Variants in MYO3A observed in about 807,000 individuals in gnomAD.
The protein encoded by MYO3A is myosin-IIIa.
A neutral mutation model predicts 192.7 loss-of-function variants in MYO3A; 180 were observed. The ratio of observed to expected loss-of-function variants is 0.93; its 90% CI spans 0.83 to 1.06. The LOEUF (loss-of-function observed/expected upper bound fraction) is 1.06. MYO3A is among the 50% of genes least tolerant of loss of function. MYO3A has a pLI of 0.00. For synonymous variants in MYO3A, 628 were observed against 645.3 expected (o/e 0.97, Z 0.41); for missense variants, 1,896 against 1,905.0 (o/e 1.00, Z 0.09).
chr10:25,981,622 A>T (rs534310091), intron 4 of MYO3A, among the ~76,000 whole-genome samples: 25 of 152,226 alleles, frequency 1.6e-4, no homozygotes, highest in Non-Finnish European at 3.5e-4. Flanking sequence ...AATGAACAAA[A>T]AATTGGATGT....
chr10:26,128,275 G>A, intron 19 of MYO3A, 116 bp from the exon 20 acceptor site: 1 of 1,049,428 alleles, frequency 9.5e-7, no homozygotes, highest in Admixed American at 1.8e-5. Flanking sequence ...TTCACTCTAA[G>A]TGTATGTTCT....
chr10:26,077,541 C>T (rs925470989), intron 14 of MYO3A, among the ~76,000 whole-genome samples: 3 of 151,638 alleles, frequency 2.0e-5, no homozygotes, highest in Admixed American at 1.3e-4. Context: ...ATGTTGAAGA[C>T]GAGTGGTAAG....
chr10:25,973,296 G>A (rs775074826), intron 4 of MYO3A, among the ~76,000 whole-genome samples: 3 of 152,022 alleles, frequency 2.0e-5, no homozygotes, highest in South Asian at 2.1e-4. Flanking sequence ...TATTGTTGGC[G>A]TATAGGAATG....
intron 17 of MYO3A, among the ~76,000 whole-genome samples, chr10:26,097,450 A>C (rs972596025): frequency 1.3e-5 from 2 of 151,816 alleles, no homozygotes; most frequent in African/African-American, 4.8e-5. Context: ...GGTTTGTTAC[A>C]TATGTATACA....
intron 17 of MYO3A, among the ~76,000 whole-genome samples, chr10:26,112,366 G>C (rs1838242009): frequency 6.6e-6 from 1 of 152,098 alleles, no homozygotes; most frequent in Admixed American, 6.5e-5. Context: ...GTTTGGATTT[G>C]GTAGAAATAA....
At chr10:25,976,971 C>T (rs995186065) in intron 4 of MYO3A, among the ~76,000 whole-genome samples, 1 of 152,036 alleles carries the variant, frequency 6.6e-6, no homozygotes, top group African/African-American at 2.4e-5. Context: ...TTTAATTCTT[C>T]ATATTTATTT....
intron 20 of MYO3A, among the ~76,000 whole-genome samples, chr10:26,131,676 A>T (rs1248971199): frequency 1.3e-5 from 2 of 152,212 alleles, no homozygotes; most frequent in Non-Finnish European, 2.9e-5. Flanking sequence ...TGTGTAAAAT[A>T]TGTAGCTCCT....
intron 4 of MYO3A, among the ~76,000 whole-genome samples, chr10:25,988,003 A>G (rs1839759161): frequency 6.6e-6 from 1 of 151,920 alleles, no homozygotes; most frequent in Non-Finnish European, 1.5e-5. Flanking sequence ...TATATATATG[A>G]TCGAATACTA....
intron 17 of MYO3A, among the ~76,000 whole-genome samples, chr10:26,117,546 C>A (rs899393390): frequency 2.6e-5 from 4 of 152,060 alleles, no homozygotes; most frequent in African/African-American, 7.2e-5. Context: ...CTATGTGTCC[C>A]TGTGTTCTCA....
intron 17 of MYO3A, among the ~76,000 whole-genome samples, chr10:26,114,886 C>T (rs1239439560): frequency 6.6e-6 from 1 of 152,038 alleles, no homozygotes; most frequent in East Asian, 1.9e-4. Context: ...CAGAGAATTT[C>T]ACGGAAACAC....
chr10:26,101,365 G>A (rs1373485774), intron 17 of MYO3A, among the ~76,000 whole-genome samples: 2 of 152,182 alleles, frequency 1.3e-5, no homozygotes, highest in Non-Finnish European at 2.9e-5. Flanking sequence ...GCCAGTCTGT[G>A]TCTTTTAATT....
At chr10:25,972,095 CTT>C (rs1338178510) in intron 4 of MYO3A, among the ~76,000 whole-genome samples, 1 of 152,192 alleles carries the variant, frequency 6.6e-6, no homozygotes, top group African/African-American at 2.4e-5. Flanking sequence ...TGTTCTCTCT[CTT>C]GTTTTCTCAT....
chr10:26,050,076 C>CT (rs1251241970), intron 10 of MYO3A, among the ~76,000 whole-genome samples: 1 of 151,608 alleles, frequency 6.6e-6, no homozygotes, highest in Admixed American at 6.6e-5. Context: ...TCTTTTTAGT[C>CT]TTTTTTTTCT....
At chr10:26,034,975 G>A (rs1842962162) in intron 10 of MYO3A, among the ~76,000 whole-genome samples, 1 of 151,336 alleles carries the variant, frequency 6.6e-6, no homozygotes, top group Admixed American at 6.6e-5. Flanking sequence ...TATATTCTAA[G>A]TAAGATTTTA....
chr10:25,940,332 A>G (rs1836403072), intron 2 of MYO3A, among the ~76,000 whole-genome samples: 1 of 151,956 alleles, frequency 6.6e-6, no homozygotes, highest in Non-Finnish European at 1.5e-5. Flanking sequence ...TGGAGACTAT[A>G]CATGGTAATC....
chr10:26,126,103 A>G (rs1839201215), intron 19 of MYO3A, among the ~76,000 whole-genome samples: 2 of 152,188 alleles, frequency 1.3e-5, no homozygotes, highest in Admixed American at 1.3e-4. Context: ...AATGCACTAG[A>G]TAAATGTAGG....
chr10:26,194,029 CCT>C (rs1390856279), intron 32 of MYO3A, among the ~76,000 whole-genome samples: 2 of 152,026 alleles, frequency 1.3e-5, no homozygotes, highest in Non-Finnish European at 2.9e-5. Flanking sequence ...TGGTTTTTGT[CCT>C]CTCTCTCATA....
intron 30 of MYO3A, among the ~76,000 whole-genome samples, chr10:26,176,295 A>G (rs1474860031): frequency 2.4e-5 from 3 of 126,982 alleles, no homozygotes; most frequent in Non-Finnish European, 5.4e-5. Context: ...CTCCGTCTCA[A>G]AAAAAAAAAA....
chr10:25,982,261 G>A (rs967687941), intron 4 of MYO3A, among the ~76,000 whole-genome samples: 1 of 152,106 alleles, frequency 6.6e-6, no homozygotes, highest in African/African-American at 2.4e-5. Flanking sequence ...GAGAGGCTGA[G>A]CTCAGACACA....
Sources: allele counts gnomAD v4.1 joint callset (sites outside exome capture counted in the v4.1 genomes callset), GRCh38; gene constraint gnomAD v4.1.1; transcripts MANE v1.5; gene names NCBI Gene and HGNC (gene_info 2026-07-23, HGNC 2026-07-21).